RORB: variants seen among roughly 807,000 people sequenced by gnomAD.
RORB encodes nuclear receptor ROR-beta.
Under a neutral mutation model 59.1 loss-of-function variants are expected in RORB, and 6 were observed. The observed-to-expected ratio is 0.10, with a 90% confidence interval of 0.06 to 0.20. The LOEUF (loss-of-function observed/expected upper bound fraction) is 0.20. Ranked by LOEUF, RORB falls within the 10% of genes least tolerant of loss-of-function variation. The pLI, the probability that RORB is intolerant of heterozygous loss-of-function variation, is 1.00. For missense variants in RORB, 320 were observed against 560.5 expected (o/e 0.57, Z 4.33); for synonymous variants, 215 against 204.5 (o/e 1.05, Z -0.44).
chr9:74,596,801 C>G (rs1029010280), intron 1 of RORB, among the ~76,000 whole-genome samples: 1 of 152,174 alleles, frequency 6.6e-6, no homozygotes, highest in East Asian at 1.9e-4. Context: ...TATATTTAAG[C>G]TAATTAAAAT....
intron 1 of RORB, among the ~76,000 whole-genome samples, chr9:74,597,670 T>G (rs558417784): frequency 8.8e-4 from 134 of 152,274 alleles, no homozygotes; most frequent in Non-Finnish European, 1.6e-3. Context: ...AATAATTTTA[T>G]ATTGGTGGCT....
intron 4 of RORB, among the ~76,000 whole-genome samples, chr9:74,645,643 G>A (rs927568175): frequency 2.0e-5 from 3 of 152,202 alleles, no homozygotes; most frequent in African/African-American, 7.2e-5. Flanking sequence ...GGTTATTGCA[G>A]ATAATATAAT....
In RORB at chr9:74,585,784, A is replaced by ATATTTATTTATTTATTTATTTATTTATT. The variant is rs60816499; in HGVS notation, c.8-44497_8-44470dup. Among the ~76,000 whole-genome samples the ATATTTATTTATTTATTTATTTATTTATT allele has an allele frequency of 1.1e-3, 166 of 145,120 alleles. 1 individual carries two copies. The highest frequency in any genetic ancestry group is 2.5e-3 in the South Asian group (11 of 4,420). ...CTACACAGCACTCTTTTCACAGGGG[A>ATATTTATTTATTTATTTATTTATTTATT]TATTTATTTATTTATTTATTTATTT... is the stretch of plus-strand genomic sequence containing the variant. On this transcript the variant is annotated intron_variant, in intron 1 of 9. Coordinates refer to ENST00000376896, the MANE Select transcript of RORB (RefSeq NM_006914.4).
Position 74,497,933 on chromosome 9 carries a change from G to T in RORB, c.-44G>T, listed in dbSNP as rs549536246. 6.2e-7 allele frequency: 1 copy of T among 1,609,392 alleles called. No homozygotes were observed. The highest frequency in any genetic ancestry group is 2.2e-5 in the East Asian group (1 of 44,744). On this transcript the variant is annotated 5_prime_UTR_variant, in exon 1 of 10. Transcript: ENST00000376896. ...TTTTGGGCTCTCCGGGGTTCGGGCT[G>T]GGAGCAGCTTCATGACTACGCGGAG... is the stretch of plus-strand genomic sequence containing the variant.
At chr9:74,641,861 C>T (rs1383478147) in intron 3 of RORB, among the ~76,000 whole-genome samples, 1 of 152,072 alleles carries the variant, frequency 6.6e-6, no homozygotes, top group East Asian at 1.9e-4. Flanking sequence ...GAGCTATGAT[C>T]ATGCCACTGC....
At chr9:74,670,927 C>T (rs1054727650) in intron 8 of RORB, among the ~76,000 whole-genome samples, 6 of 152,190 alleles carry the variant, frequency 3.9e-5, no homozygotes, top group Non-Finnish European at 8.8e-5. Flanking sequence ...CTGACCTGAA[C>T]TGTGTTCAGG....
At chr9:74,568,461 G>T (rs2118217954) in intron 1 of RORB, among the ~76,000 whole-genome samples, 1 of 152,092 alleles carries the variant, frequency 6.6e-6, no homozygotes, top group African/African-American at 2.4e-5. Context: ...CAGCACTTTG[G>T]GAGGCCGAGG....
chr9:74,620,354 T>C (rs1044831889), intron 1 of RORB, among the ~76,000 whole-genome samples: 10 of 152,250 alleles, frequency 6.6e-5, no homozygotes, highest in Admixed American at 1.3e-4. Flanking sequence ...TATTCTCTGA[T>C]GGTAGTTTGC....
intron 1 of RORB, among the ~76,000 whole-genome samples, chr9:74,556,270 A>G (rs1263390798): frequency 6.6e-6 from 1 of 152,238 alleles, no homozygotes; most frequent in African/African-American, 2.4e-5. Context: ...TTACTGAGAT[A>G]CGTTATTGTA....
At chr9:74,593,466 T>TAAAAAAAAAAA (rs11343707) in intron 1 of RORB, among the ~76,000 whole-genome samples, 1 of 124,816 alleles carries the variant, frequency 8.0e-6, no homozygotes. Context: ...AAACTCCATC[T>TAAAAAAAAAAA]AAAAAAAAAA....
At chr9:74,584,102 G>A (rs1044681029) in intron 1 of RORB, among the ~76,000 whole-genome samples, 1 of 152,212 alleles carries the variant, frequency 6.6e-6, no homozygotes. Context: ...GGCTGGAGAA[G>A]CTGAGAATTA....
chr9:74,533,243 C>G (rs1184543943), intron 1 of RORB, among the ~76,000 whole-genome samples: 1 of 151,902 alleles, frequency 6.6e-6, no homozygotes, highest in Non-Finnish European at 1.5e-5. Context: ...AGATGTTTCC[C>G]CTGAGAGGAT....
chr9:74,591,658 T>C lies in RORB; in HGVS notation c.8-38624T>C, dbSNP rs527630840. On this transcript the variant is annotated intron_variant, in intron 1 of 9. Coordinates refer to ENST00000376896, the MANE Select transcript of RORB (RefSeq NM_006914.4). ...GTAGATGCTTTCATGGAATTTGAAA[T>C]TGTTTTTCCCATAAAACATGTTTTT... 1.4e-4 allele frequency among the ~76,000 whole-genome samples: 21 copies of C among 152,300 alleles called. 1 individual carries two copies. The highest frequency in any genetic ancestry group is 5.1e-4 in the African/African-American group (21 of 41,572).
chr9:74,530,850 T>A (rs1038107010), intron 1 of RORB, among the ~76,000 whole-genome samples: 1 of 151,930 alleles, frequency 6.6e-6, no homozygotes, highest in African/African-American at 2.4e-5. Flanking sequence ...ATTAGGTGTA[T>A]CTCCTAATGC....
chr9:74,598,129 C>T (rs1372634151), intron 1 of RORB, among the ~76,000 whole-genome samples: 4 of 152,000 alleles, frequency 2.6e-5, no homozygotes, highest in Non-Finnish European at 1.5e-5. Flanking sequence ...TTGTATTGGA[C>T]TGTGCTGATC....
chr9:74,662,105 A>G (rs1824194622), intron 5 of RORB, among the ~76,000 whole-genome samples: 1 of 152,178 alleles, frequency 6.6e-6, no homozygotes, highest in African/African-American at 2.4e-5. Flanking sequence ...TTTGTTTTTT[A>G]TATTAATAGT....
chr9:74,514,620 G>A (rs1825983509), intron 1 of RORB, among the ~76,000 whole-genome samples: 1 of 150,512 alleles, frequency 6.6e-6, no homozygotes, highest in Admixed American at 6.7e-5. Flanking sequence ...TAAGCCTTAA[G>A]AGGATAACAG....
chr9:74,537,020 A>G (rs766480169), intron 1 of RORB, among the ~76,000 whole-genome samples: 5 of 152,036 alleles, frequency 3.3e-5, no homozygotes, highest in Non-Finnish European at 5.9e-5. Flanking sequence ...TAATATATAT[A>G]TAAGGCAGTT....
At chr9:74,618,404 CA>C (rs1823347907) in intron 1 of RORB, among the ~76,000 whole-genome samples, 1 of 151,976 alleles carries the variant, frequency 6.6e-6, no homozygotes, top group South Asian at 2.1e-4. Context: ...GGTGATAGTC[CA>C]CTCACATACC....
Sources: allele counts gnomAD v4.1 joint callset (sites outside exome capture counted in the v4.1 genomes callset), GRCh38; gene constraint gnomAD v4.1.1; transcripts MANE v1.5; gene names NCBI Gene and HGNC (gene_info 2026-07-23, HGNC 2026-07-21).